The following PRKAA2 variants were observed in gnomAD, a reference collection of about 807,000 sequenced individuals.
The protein encoded by PRKAA2 is protein kinase AMP-activated catalytic subunit alpha 2.
A neutral mutation model predicts 56.3 loss-of-function variants in PRKAA2; 40 were observed. The observed-to-expected ratio is 0.71, with a 90% CI of 0.55 to 0.92. The LOEUF (loss-of-function observed/expected upper bound fraction) is 0.92. PRKAA2 is among the 40% of genes least tolerant of loss of function. The pLI is 0.00. For synonymous variants in PRKAA2, 214 were observed against 234.2 expected, an observed-to-expected ratio of 0.91 and a Z score of 0.79; for missense variants, 542 against 686.9, an observed-to-expected ratio of 0.79 and a Z score of 2.36.
chr1:56,704,481 A>G lies in PRKAA2; in HGVS notation c.1293+6A>G. 1 of 1,580,656 alleles carries G rather than the reference A, an allele frequency of 6.3e-7. No homozygotes were observed. The highest frequency in any genetic ancestry group is 8.6e-7 in the Non-Finnish European group (1 of 1,168,912). On this transcript the variant is annotated splice_donor_region_variant and intron_variant, in intron 7 of 8. Transcript: ENST00000371244. ...AGCTGGATTTTGAATGGAAGGTAGG[A>G]AATTATAATGTAATAAGATCATTTG...
At chr1:56,699,312 A>G (rs910583658) in intron 6 of PRKAA2, among the ~76,000 whole-genome samples, 6 of 152,186 alleles carry the variant, frequency 3.9e-5, no homozygotes, top group Non-Finnish European at 8.8e-5. Flanking sequence ...CTTAAGTCAT[A>G]TATCAATTTC....
intron 5 of PRKAA2, 63 bp from the exon 6 acceptor site, chr1:56,695,872 T>G: frequency 7.3e-7 from 1 of 1,375,868 alleles, no homozygotes; most frequent in Non-Finnish European, 1.0e-6. Context: ...TATATAGAAG[T>G]AGGGTACATA....
At chr1:56,706,323 G>A in intron 8 of PRKAA2, 105 bp downstream of exon 8, 1 of 1,349,378 alleles carries the variant, frequency 7.4e-7, no homozygotes, top group East Asian at 2.4e-5. Context: ...GTCCTGCACT[G>A]GTTTTTAAGC....
intron 1 of PRKAA2, among the ~76,000 whole-genome samples, chr1:56,646,393 C>G (rs1352933294): frequency 6.6e-6 from 1 of 152,168 alleles, no homozygotes; most frequent in African/African-American, 2.4e-5. Context: ...AAGGCATATT[C>G]TGCTAAGGTC....
At chr1:56,658,231 T>C (rs1643961065) in intron 1 of PRKAA2, among the ~76,000 whole-genome samples, 2 of 152,162 alleles carry the variant, frequency 1.3e-5, no homozygotes, top group Non-Finnish European at 2.9e-5. Context: ...AACTCTACTT[T>C]AAAAAGAAAT....
intron 1 of PRKAA2, among the ~76,000 whole-genome samples, chr1:56,663,325 C>T (rs1190355082): frequency 6.6e-6 from 1 of 152,098 alleles, no homozygotes; most frequent in African/African-American, 2.4e-5. Context: ...TGGGCTCAAG[C>T]GATCCTCTCG....
intron 1 of PRKAA2, among the ~76,000 whole-genome samples, chr1:56,647,376 T>A (rs1223291199): frequency 6.6e-6 from 1 of 152,202 alleles, no homozygotes; most frequent in Non-Finnish European, 1.5e-5. Context: ...GTGTTAAAAG[T>A]TTTTGCTTGT....
At chr1:56,666,902 A>G (rs1329679743) in intron 1 of PRKAA2, among the ~76,000 whole-genome samples, 2 of 152,106 alleles carry the variant, frequency 1.3e-5, no homozygotes, top group Non-Finnish European at 2.9e-5. Context: ...CAGCTTCCCA[A>G]TATCAGTGGA....
At chr1:56,677,106 T>TCACC (rs1644119057) in intron 2 of PRKAA2, among the ~76,000 whole-genome samples, 1 of 152,174 alleles carries the variant, frequency 6.6e-6, no homozygotes, top group Admixed American at 6.5e-5. Flanking sequence ...GTAACTCACC[T>TCACC]TTCCTATCCA....
At chr1:56,649,804 G>T (rs1217633633) in intron 1 of PRKAA2, among the ~76,000 whole-genome samples, 1 of 152,004 alleles carries the variant, frequency 6.6e-6, no homozygotes, top group Non-Finnish European at 1.5e-5. Flanking sequence ...TATAGATTTA[G>T]AAATTTTAGG....
chr1:56,701,419 T>C (rs1569791342), intron 6 of PRKAA2, among the ~76,000 whole-genome samples: 1 of 151,878 alleles, frequency 6.6e-6, no homozygotes, highest in East Asian at 2.0e-4. Context: ...ATAGAAAAGA[T>C]CTATCTCAAG....
At chr1:56,652,811 G>C (rs1643913318) in intron 1 of PRKAA2, among the ~76,000 whole-genome samples, 1 of 152,196 alleles carries the variant, frequency 6.6e-6, no homozygotes, top group Non-Finnish European at 1.5e-5. Flanking sequence ...GTGTTAGAAA[G>C]TACTTACTTT....
At chr1:56,650,584 T>C (rs1416373930) in intron 1 of PRKAA2, among the ~76,000 whole-genome samples, 3 of 152,210 alleles carry the variant, frequency 2.0e-5, no homozygotes, top group Non-Finnish European at 4.4e-5. Context: ...ATTATTTATT[T>C]AAAAAGAAGC....
chr1:56,694,102 A>C (rs1285773453), intron 5 of PRKAA2, among the ~76,000 whole-genome samples: 1 of 152,238 alleles, frequency 6.6e-6, no homozygotes, highest in Non-Finnish European at 1.5e-5. Context: ...GATTTAACAT[A>C]TCTTTCATTT....
intron 1 of PRKAA2, among the ~76,000 whole-genome samples, chr1:56,650,094 TAA>T (rs964102140): frequency 1.4e-5 from 2 of 145,760 alleles, no homozygotes. Flanking sequence ...GACTCCGTCT[TAA>T]AAAAAAAAAG....
chr1:56,704,122 G>A lies in PRKAA2; in HGVS notation c.940G>A (p.Gly314Ser). ...AGAAGTAATGAACAGTTTATATAGT[G>A]GTGACCCTCAAGACCAGCTTGCAGT... ...ESEVMNSLYSGDPQDQLAVAY... is the reference protein window; with the variant it reads ...ESEVMNSLYSSDPQDQLAVAY... The change falls in exon 7 of 9, where the codon GGT (glycine) becomes AGT (serine). Residue 314 changes from glycine to serine, a missense_variant. Around this residue, in one of 5 missense-constraint regions of PRKAA2, gnomAD observed 198 missense variants for 234.0 expected, o/e 0.85. Coordinates refer to ENST00000371244, the MANE Select transcript of PRKAA2 (RefSeq NM_006252.4). 6.2e-7 allele frequency: 1 copy of A among 1,614,132 alleles called. No homozygotes were observed. The highest frequency in any genetic ancestry group is 8.5e-7 in the Non-Finnish European group (1 of 1,180,000).
intron 5 of PRKAA2, among the ~76,000 whole-genome samples, chr1:56,695,401 G>A (rs1395868081): frequency 6.6e-6 from 1 of 151,726 alleles, no homozygotes; most frequent in African/African-American, 2.4e-5. Context: ...ATGTTGCCCA[G>A]GCTGGCCTCA....
Position 56,707,730 on chromosome 1 carries a change from T to C in PRKAA2, c.*17T>C. ...GCCCGTTGATCTGTCTCTAGTTTCT[T>C]TCTGTTATTGCACTATGAAAATCAG... On this transcript the variant is annotated 3_prime_UTR_variant, in exon 9 of 9. Coordinates refer to ENST00000371244, the MANE Select transcript of PRKAA2 (RefSeq NM_006252.4). 2 of 1,550,154 alleles carry C rather than the reference T, an allele frequency of 1.3e-6. No homozygotes were observed. Among genetic ancestry groups the C allele is most frequent in the South Asian group, 1.1e-5 (1 of 89,520 alleles).
chr1:56,673,863 T>C (rs1644094696), intron 1 of PRKAA2, among the ~76,000 whole-genome samples: 1 of 152,072 alleles, frequency 6.6e-6, no homozygotes, highest in South Asian at 2.1e-4. Flanking sequence ...TTGAAAGAGA[T>C]AGAGATTCCA....
Sources: gnomAD v4.1 joint callset for allele counts (sites outside exome capture counted in the v4.1 genomes callset) on GRCh38, gnomAD v4.1.1 for gene constraint, gnomAD v4.1.1 regional missense constraint, MANE v1.5 for transcripts, NCBI Gene and HGNC (gene_info 2026-07-23, HGNC 2026-07-21) for gene names.